The following STAG2 variants were observed in gnomAD, a reference collection of about 807,000 sequenced individuals.
The protein encoded by STAG2 is cohesin subunit SA-2.
A neutral mutation model predicts 108.1 loss-of-function variants in STAG2; 14 were observed. The observed-to-expected ratio is 0.13, with a 90% CI of 0.09 to 0.20. The LOEUF (loss-of-function observed/expected upper bound fraction) is 0.20, where lower values mean the gene tolerates loss of function less well. STAG2 is among the 10% of genes least tolerant of loss of function. The pLI, the probability that STAG2 is intolerant of heterozygous loss-of-function variation, is 1.00. For missense variants in STAG2, 440 were observed against 940.9 expected (o/e 0.47, Z 6.96); for synonymous variants, 307 against 302.7 (o/e 1.01, Z -0.15).
intron 1 of STAG2, among the ~76,000 whole-genome samples, chrX:124,019,874 G>A (rs1262287517): frequency 8.9e-6 from 1 of 112,231 alleles, no homozygotes; most frequent in Non-Finnish European, 1.9e-5. Flanking sequence ...GGAGGTCAAG[G>A]CTGTAGTGAG....
chrX:124,032,436 A>G (rs3788771), intron 5 of STAG2, among the ~76,000 whole-genome samples: 17,900 of 111,262 alleles, frequency 0.16, 1,180 homozygotes, highest in South Asian at 0.37. Context: ...TATACTTAAT[A>G]AAGTTTTAAT....
At chrX:124,096,875 A>G (rs1160117400) in intron 34 of STAG2, among the ~76,000 whole-genome samples, 1 of 112,008 alleles carries the variant, frequency 8.9e-6, no homozygotes, top group Admixed American at 9.5e-5. Context: ...TCACACTAAC[A>G]TGTTTACTAA....
chrX:124,064,010 G>A lies in STAG2; in HGVS notation c.1984G>A (p.Ala662Thr), dbSNP rs2148327258. 8.3e-7 allele frequency: 1 copy of A among 1,210,320 alleles called. No homozygotes were observed. Among genetic ancestry groups the A allele is most frequent in the Non-Finnish European group, 1.1e-6 (1 of 894,619 alleles). The part of the protein sequence containing the change: ...ISRSQLIDEL[A>T]DKFNRLLEDF... ...AAGAAGTCAACTGATAGATGAATTG[G>A]CAGATAAATTTAACCGGCTTCTTGA... The change falls in exon 20 of 35, where the codon GCA becomes ACA. Residue 662 changes from alanine (A) to threonine (T), a missense_variant. By Grantham distance (58) the Ala-to-Thr change is moderately conservative. Coordinates refer to ENST00000371145, the MANE Select transcript of STAG2 (RefSeq NM_001042750.2).
chrX:123,960,665 C>A (rs1396711001), upstream of STAG2: 3 of 100,447 alleles, frequency 3.0e-5, no homozygotes, highest in Non-Finnish European at 4.0e-5. Flanking sequence ...CCGCCGGATC[C>A]GACCGCCACT....
At chrX:124,037,086 A>G (rs1287972753) in intron 5 of STAG2, among the ~76,000 whole-genome samples, 1 of 110,479 alleles carries the variant, frequency 9.1e-6, no homozygotes, top group East Asian at 2.9e-4. Context: ...AGGTTTTACC[A>G]TGTCAGCCAG....
At position 124,100,899 on chromosome X, in the gene STAG2, CAAAAT is replaced by C. The variant is rs2059497294; in HGVS notation, c.*305_*309del. On this transcript the variant is annotated 3_prime_UTR_variant, in exon 35 of 35. Transcript: ENST00000371145. ...GCTTTTTTTTAAAAAAAAAAAAAAA[CAAAAT>C]AACAATCTGAAGAGGCATTTGGTAC... The C allele has an allele frequency of 5.4e-6, 1 of 184,307 alleles. No individual in the cohort carries two copies. Among genetic ancestry groups the C allele is most frequent in the Non-Finnish European group, 9.7e-6 (1 of 103,480 alleles). The allele number at this position is 184,307 out of a possible 1,213,427, so 15.2% of individuals were successfully genotyped here.
intron 1 of STAG2, among the ~76,000 whole-genome samples, chrX:124,013,315 ACACACACAAAC>A (rs2056585452): frequency 2.1e-5 from 2 of 96,983 alleles, no homozygotes; most frequent in Admixed American, 1.1e-4. Flanking sequence ...ATGCACACAC[ACACACACAAAC>A]ACACACACAC....
At chrX:124,084,446 G>A (rs1293779061) in intron 29 of STAG2, among the ~76,000 whole-genome samples, 2 of 110,005 alleles carry the variant, frequency 1.8e-5, no homozygotes, top group Non-Finnish European at 3.8e-5. Flanking sequence ...AGCCTCCTGC[G>A]TAGGTGGGAT....
chrX:124,041,720 T>C (rs2057727132), intron 6 of STAG2, among the ~76,000 whole-genome samples: 1 of 111,673 alleles, frequency 9.0e-6, no homozygotes. Flanking sequence ...CTCTTCTTAC[T>C]GCACACTAGA....
intron 33 of STAG2, among the ~76,000 whole-genome samples, chrX:124,095,126 A>G (rs950695744): frequency 4.5e-5 from 5 of 111,626 alleles, no homozygotes; most frequent in Non-Finnish European, 9.4e-5. Context: ...GCCGGGTTTC[A>G]CCGTGTTAGC....
intron 1 of STAG2, among the ~76,000 whole-genome samples, chrX:124,007,003 CTTT>C (rs1037824689): frequency 3.6e-5 from 4 of 110,340 alleles, no homozygotes; most frequent in African/African-American, 1.3e-4. Context: ...TTCTTTCCTT[CTTT>C]TTTTTAAAAA....
At chrX:123,972,974 G>C (rs980350070) in intron 1 of STAG2, among the ~76,000 whole-genome samples, 1 of 106,988 alleles carries the variant, frequency 9.3e-6, no homozygotes, top group Admixed American at 1.0e-4. Context: ...ACTTGAGCCT[G>C]GGAGGCGGAG....
intron 1 of STAG2, among the ~76,000 whole-genome samples, chrX:124,017,911 G>C (rs1209903861): frequency 8.9e-6 from 1 of 111,954 alleles, no homozygotes; most frequent in African/African-American, 3.2e-5. Flanking sequence ...GCGATCATCT[G>C]TTACTTTTTA....
intron 1 of STAG2, among the ~76,000 whole-genome samples, chrX:123,996,792 A>C (rs1278094102): frequency 8.9e-6 from 1 of 112,192 alleles, no homozygotes; most frequent in Non-Finnish European, 1.9e-5. Flanking sequence ...TTATCCATTT[A>C]CCACCAGTTG....
At chrX:123,982,176 T>TAA (rs768977083) in intron 1 of STAG2, among the ~76,000 whole-genome samples, 2 of 55,216 alleles carry the variant, frequency 3.6e-5, no homozygotes, top group African/African-American at 6.8e-5. Context: ...CTGTCTCTAC[T>TAA]AAAAAAAAAA....
intron 1 of STAG2, among the ~76,000 whole-genome samples, chrX:124,008,929 CCTGA>C (rs1162322948): frequency 9.1e-6 from 1 of 110,280 alleles, no homozygotes; most frequent in African/African-American, 3.3e-5. Flanking sequence ...AAGTTTCTTT[CCTGA>C]CTAATGACTT....
At chrX:124,053,995 CTT>C (rs777206847) in intron 13 of STAG2, among the ~76,000 whole-genome samples, 1 of 112,115 alleles carries the variant, frequency 8.9e-6, no homozygotes, top group Admixed American at 9.4e-5. Context: ...TAAAGTGAGA[CTT>C]TTAAATCTGT....
chrX:124,061,395 T>G, intron 16 of STAG2, 54 bp downstream of exon 16: 1 of 866,234 alleles, frequency 1.2e-6, no homozygotes, highest in Non-Finnish European at 1.7e-6. Flanking sequence ...AAGTAGATTT[T>G]TACTCATTCC....
At chrX:124,019,429 A>G (rs2056851257) in intron 1 of STAG2, among the ~76,000 whole-genome samples, 1 of 110,980 alleles carries the variant, frequency 9.0e-6, no homozygotes, top group African/African-American at 3.3e-5. Flanking sequence ...ATTTCTTAAC[A>G]GGTATTAAGG....
Sources: allele counts gnomAD v4.1 joint callset (sites outside exome capture counted in the v4.1 genomes callset), GRCh38; gene constraint gnomAD v4.1.1; transcripts MANE v1.5; gene names NCBI Gene and HGNC (gene_info 2026-07-23, HGNC 2026-07-21).